Variants in TLE3 observed in about 807,000 individuals in gnomAD.
TLE3 encodes the protein TLE family member 3, transcriptional corepressor, also known as transducin-like enhancer protein 3.
A neutral mutation model predicts 93.0 loss-of-function variants in TLE3; 14 were observed. That is an observed-to-expected ratio of 0.15 (90% CI 0.10 to 0.24). TLE3 has a LOEUF of 0.24. Among genes scored for constraint, TLE3 ranks in the 10% least tolerant of loss-of-function variants. The pLI, the probability that TLE3 is intolerant of heterozygous loss-of-function variation, is 1.00. For missense variants in TLE3, 693 were observed against 1,046.6 expected, an observed-to-expected ratio of 0.66 and a Z score of 4.66; for synonymous variants, 451 against 425.0, an observed-to-expected ratio of 1.06 and a Z score of -0.75.
intron 7 of TLE3, among the ~76,000 whole-genome samples, chr15:70,065,688 G>A (rs1040925453): frequency 3.4e-4 from 52 of 152,360 alleles, no homozygotes; most frequent in African/African-American, 1.3e-3. Context: ...CCCCTAGTCT[G>A]ACCAGGAAGG....
chr15:70,091,427 A>G (rs1252310569), intron 4 of TLE3, among the ~76,000 whole-genome samples: 1 of 152,218 alleles, frequency 6.6e-6, no homozygotes, highest in Non-Finnish European at 1.5e-5. Context: ...AAGCCTCTGC[A>G]CAAACAAGAT....
intron 6 of TLE3, among the ~76,000 whole-genome samples, chr15:70,073,992 C>A (rs1433631121): frequency 6.6e-6 from 1 of 152,270 alleles, no homozygotes; most frequent in Admixed American, 6.5e-5. Flanking sequence ...AGCTCCCCAG[C>A]TGGAGTTCAC....
chr15:70,063,699 T>G (rs1453718139), intron 8 of TLE3, among the ~76,000 whole-genome samples: 1 of 152,232 alleles, frequency 6.6e-6, no homozygotes, highest in Non-Finnish European at 1.5e-5. Context: ...ATTTTTTTTA[T>G]CCAGACTCCA....
Position 70,096,249 on chromosome 15 carries a change from G to A in TLE3, c.37C>T (p.Pro13Ser), listed in dbSNP as rs2058553582. 1.3e-6 allele frequency: 2 copies of A among 1,554,392 alleles called. No individual in the cohort carries two copies. The highest frequency in any genetic ancestry group is 4.9e-5 in the East Asian group (2 of 41,192). ...GTGAATTTAAATCCCGGCTGCCCGG[G>A]TTGATGGGGAGCCTGGAGCCCGCGA... ...PQGRHPAPHQPGQPGFKFTVA... is the reference protein window; with the variant it reads ...PQGRHPAPHQSGQPGFKFTVA... The change falls in exon 2 of 20, where the codon CCC becomes TCC. Residue 13 changes from proline to serine, a missense_variant. Coordinates refer to ENST00000451782, the MANE Select transcript of TLE3 (RefSeq NM_001105192.3).
intron 4 of TLE3, chr15:70,079,453 TC>T (rs1306397328): frequency 7.0e-6 from 3 of 431,190 alleles, no homozygotes; most frequent in Non-Finnish European, 1.4e-5. Flanking sequence ...ACCCAGCCCC[TC>T]CCCTGGGAAA....
At chr15:70,064,588 T>G in intron 7 of TLE3, 118 bp from the exon 8 acceptor site, 2 of 1,389,860 alleles carry the variant, frequency 1.4e-6, no homozygotes, top group Non-Finnish European at 2.0e-6. Flanking sequence ...GCTAGTGCAC[T>G]GGTTTTAAAA....
intron 18 of TLE3, 139 bp downstream of exon 18, chr15:70,052,235 A>G (rs2055614415): frequency 3.8e-6 from 4 of 1,045,320 alleles, no homozygotes; most frequent in African/African-American, 1.6e-5. Flanking sequence ...TTGAAGGGGC[A>G]CCAGCTCAGG....
rs994932463 is a variant in TLE3 at position 70,064,364 on chromosome 15, T to C, written c.594+90A>G. ...AAGCCAGCTTTGGATACCGACTGAC[T>C]GGTCTCAGGCCCGCGATTCTGGGAG... On this transcript the variant is annotated intron_variant, in intron 8 of 19. Transcript: ENST00000451782. The C allele has an allele frequency of 5.4e-4, 818 of 1,516,518 alleles. 1 individual carries two copies. Among genetic ancestry groups the C allele is most frequent in the Middle Eastern group, 1.3e-3 (6 of 4,648 alleles). 93.9% of individuals were successfully genotyped at this position (1,516,518 alleles called of 1,614,324 possible). A position where few individuals can be genotyped will look rare whatever the true frequency, so the allele number is the denominator to read the frequency against.
intron 6 of TLE3, among the ~76,000 whole-genome samples, chr15:70,067,228 C>A (rs74787249): frequency 6.6e-6 from 1 of 152,180 alleles, no homozygotes; most frequent in Non-Finnish European, 1.5e-5. Flanking sequence ...CTTTCCTCTC[C>A]CTTCGCCCCA....
At chr15:70,096,482 C>T (rs920748768) in intron 1 of TLE3, 3 of 1,170,800 alleles carry the variant, frequency 2.6e-6, no homozygotes, top group Admixed American at 2.4e-5. Flanking sequence ...GCCTCCCTCT[C>T]CCCAGTAAGG....
rs1276198537 is a variant in TLE3 at position 70,058,286 on chromosome 15, G to C, written c.924C>G (p.Asp308Glu). 3 of 1,606,222 alleles carry C rather than the reference G, an allele frequency of 1.9e-6. No homozygotes were observed. Among genetic ancestry groups the C allele is most frequent in the Non-Finnish European group, 2.6e-6 (3 of 1,175,902 alleles). ...ACTTGAGCCCAGGGGTGGAGGATTT[G>C]TCGTTCTGAAGAGGGGAGATGCAGA... Reference protein sequence around the residue: ...SSKTKDLGHNDKSSTPGLKSN... With the variant: ...SSKTKDLGHNEKSSTPGLKSN... Residue 308 changes from aspartate (D) to glutamate (E), a missense_variant, in exon 12 of 20, where the codon GAC becomes GAG. Physicochemically the swap from Asp to Glu is conservative, Grantham distance 45. This residue lies in a region of TLE3 where 405 missense variants were observed against 468.9 expected (regional missense o/e 0.86). Transcript: ENST00000451782. The surrounding 1 kb of genome is among the most constrained non-coding windows in gnomAD (Gnocchi z 4.1).
intron 5 of TLE3, 63 bp from the exon 6 acceptor site, chr15:70,074,670 G>T: frequency 7.0e-7 from 1 of 1,427,746 alleles, no homozygotes; most frequent in Non-Finnish European, 9.6e-7. Flanking sequence ...GTCACAGGCT[G>T]TGCAGCACTG....
At chr15:70,055,865 A>G in intron 14 of TLE3, 1 of 264,744 alleles carries the variant, frequency 3.8e-6, no homozygotes, top group South Asian at 4.3e-5. Context: ...TAGCAACCCA[A>G]GGAAGTGAAG....
At chr15:70,079,507 G>A (rs759727882) in intron 4 of TLE3, 1 of 458,774 alleles carries the variant, frequency 2.2e-6, no homozygotes, top group South Asian at 1.6e-5. Flanking sequence ...AGCTGTCACT[G>A]TGCCATCATC....
intron 16 of TLE3, 157 bp from the exon 17 acceptor site, chr15:70,053,531 C>CGGCCTCTTTCCAGTTCCA (rs1039847169): frequency 2.4e-6 from 2 of 846,116 alleles, no homozygotes; most frequent in South Asian, 2.3e-5. Flanking sequence ...AAGCTAGCCC[C>CGGCCTCTTTCCAGTTCCA]GGCCTCTTTC....
chr15:70,054,287 G>A, intron 16 of TLE3, 151 bp downstream of exon 16: 5 of 1,126,510 alleles, frequency 4.4e-6, no homozygotes, highest in Non-Finnish European at 4.9e-6. Context: ...GGCAGGCGGA[G>A]CTGTCTTTTC....
chr15:70,058,217 G>A lies in TLE3; in HGVS notation c.993C>T (p.Thr331=). ...TCGACCTGAGCCCTGGGGTCGTGCT[G>A]GTGCCTGGAGTTGGGGCGTCGTTCC... ...TPRNDAPTPG[T]STTPGLRSMP... Residue 331 remains threonine (T), a synonymous_variant, in exon 12 of 20, where the codon ACC becomes ACT. Coordinates refer to ENST00000451782, the MANE Select transcript of TLE3 (RefSeq NM_001105192.3). This position sits in a 1 kb window ranked among gnomAD's most constrained non-coding sequence, Gnocchi z 4.1. The A allele has an allele frequency of 6.2e-7, 1 of 1,613,856 alleles. No homozygotes were observed. The highest frequency in any genetic ancestry group is 8.5e-7 in the Non-Finnish European group (1 of 1,179,832).
intron 4 of TLE3, among the ~76,000 whole-genome samples, chr15:70,085,539 T>C (rs983935236): frequency 1.3e-5 from 2 of 152,168 alleles, no homozygotes; most frequent in African/African-American, 4.8e-5. Context: ...TAGGGGTCTC[T>C]TGAGAAGTAA....
At chr15:70,083,830 CTT>C (rs1020359282) in intron 4 of TLE3, among the ~76,000 whole-genome samples, 1 of 152,074 alleles carries the variant, frequency 6.6e-6, no homozygotes, top group Non-Finnish European at 1.5e-5. Context: ...GGCAGGGACT[CTT>C]TGGAAAACCC....
Sources: gnomAD v4.1 joint callset for allele counts (sites outside exome capture counted in the v4.1 genomes callset) on GRCh38, gnomAD v4.1.1 for gene constraint, gnomAD v4.1.1 regional missense constraint, Gnocchi (gnomAD v3.1) non-coding constraint, MANE v1.5 for transcripts, NCBI Gene and HGNC (gene_info 2026-07-23, HGNC 2026-07-21) for gene names.